Variants in TYW1B observed in about 807,000 individuals in gnomAD.
TYW1B encodes S-adenosyl-L-methionine-dependent tRNA 4-demethylwyosine synthase TYW1B.
TYW1B carries 73 observed loss-of-function variants against 86.9 expected under a neutral mutation model. The ratio of observed to expected loss-of-function variants is 0.84; its 90% CI spans 0.70 to 1.02. TYW1B has a LOEUF of 1.02. TYW1B is among the 50% of genes least tolerant of loss of function. The pLI is 0.00. For missense variants in TYW1B, 637 were observed against 827.4 expected (o/e 0.77, Z 2.82); for synonymous variants, 248 against 292.8 (o/e 0.85, Z 1.56).
At chr7:72,773,867 A>G (rs1428323497) in intron 7 of TYW1B, among the ~76,000 whole-genome samples, 1 of 151,958 alleles carries the variant, frequency 6.6e-6, no homozygotes, top group East Asian at 1.9e-4. Context: ...GAGTTCGAGA[A>G]CAGTCTGACC....
intron 7 of TYW1B, among the ~76,000 whole-genome samples, chr7:72,753,879 T>C (rs565017179): frequency 6.6e-6 from 1 of 152,260 alleles, no homozygotes; most frequent in African/African-American, 2.4e-5. Flanking sequence ...TAACAGACTA[T>C]GGTATAGTGC....
intron 8 of TYW1B, among the ~76,000 whole-genome samples, chr7:72,729,181 G>A (rs1273487175): frequency 2.0e-5 from 3 of 152,112 alleles, no homozygotes; most frequent in African/African-American, 7.2e-5. Context: ...TCCAGTTACA[G>A]GTTGACAGAA....
At position 72,779,536 on chromosome 7, in the gene TYW1B, G is replaced by T. The variant is rs1554471291; in HGVS notation, c.847-2003C>A. Among the ~76,000 whole-genome samples, 3 of 152,074 alleles carry T rather than the reference G, an allele frequency of 2.0e-5. No homozygotes were observed. The East Asian group carries it at 5.8e-4, about 29-fold the overall frequency. Reference sequence around the variant, plus strand: ...GTTTGAGACCAGCCTGGCTAACATGGTGAAACCCTGTCTCTACTAAAAATA... The same window carrying T: ...GTTTGAGACCAGCCTGGCTAACATGTTGAAACCCTGTCTCTACTAAAAATA... On this transcript the variant is annotated intron_variant, in intron 6 of 13. Coordinates refer to ENST00000620995, the MANE Select transcript of TYW1B (RefSeq NM_001145440.3).
intron 11 of TYW1B, among the ~76,000 whole-genome samples, chr7:72,685,078 C>T (rs1813976307): frequency 2.7e-5 from 4 of 150,092 alleles, no homozygotes; most frequent in African/African-American, 7.4e-5. Flanking sequence ...GGCCACTGAA[C>T]TCCAGCCTGG....
At chr7:72,660,879 G>A (rs1303767196) in intron 11 of TYW1B, among the ~76,000 whole-genome samples, 1 of 152,100 alleles carries the variant, frequency 6.6e-6, no homozygotes, top group South Asian at 2.1e-4. Context: ...GCTCATGCCT[G>A]TAATCCCAAC....
intron 11 of TYW1B, among the ~76,000 whole-genome samples, chr7:72,669,983 T>C: frequency 6.8e-6 from 1 of 147,264 alleles, no homozygotes; most frequent in East Asian, 2.0e-4. Flanking sequence ...AAATAAAGAT[T>C]AGCTGGCTGT....
At chr7:72,684,214 C>G (rs1813948711) in intron 11 of TYW1B, among the ~76,000 whole-genome samples, 1 of 151,994 alleles carries the variant, frequency 6.6e-6, no homozygotes, top group South Asian at 2.1e-4. Flanking sequence ...GGCCCCAAAC[C>G]ACAGTTTGTC....
intron 8 of TYW1B, 30 bp downstream of exon 8, chr7:72,744,454 C>T: frequency 2.5e-6 from 4 of 1,594,146 alleles, no homozygotes; most frequent in South Asian, 1.1e-5. Context: ...ATTACATATT[C>T]GATCACCATG....
chr7:72,777,994 T>C (rs1787987270), intron 6 of TYW1B, among the ~76,000 whole-genome samples: 1 of 152,174 alleles, frequency 6.6e-6, no homozygotes, highest in Admixed American at 6.5e-5. Flanking sequence ...ACAAAACCCA[T>C]CCTCTGCAAA....
At position 72,744,563 on chromosome 7, in the gene TYW1B, T is replaced by C. The variant is rs781987940; in HGVS notation, c.1003A>G (p.Ile335Val). The C allele has an allele frequency of 1.9e-6, 3 of 1,613,532 alleles. No homozygotes were observed. Among genetic ancestry groups the C allele is most frequent in the South Asian group, 1.1e-5 (1 of 91,068 alleles). The part of the protein sequence containing the change: ...PRERSLLQTH[I>V]LWNESHRCME... ...CAGCGATGGCTCTCATTCCATAGAA[T>C]GTGTGTTTGTAACAAGCTCCTCTCC... Residue 335 changes from isoleucine to valine, a missense_variant, in exon 8 of 14, where the codon ATT becomes GTT. Ile to Val is a conservative substitution (Grantham distance 29). Coordinates refer to ENST00000620995, the MANE Select transcript of TYW1B (RefSeq NM_001145440.3).
chr7:72,733,003 T>C (rs1454810990), intron 8 of TYW1B, among the ~76,000 whole-genome samples: 5 of 151,926 alleles, frequency 3.3e-5, no homozygotes, highest in African/African-American at 1.2e-4. Flanking sequence ...AGAGGAAACG[T>C]AGAAATTCCT....
At chr7:72,753,301 AAACTAGATG>A (rs1787531819) in intron 7 of TYW1B, among the ~76,000 whole-genome samples, 1 of 152,098 alleles carries the variant, frequency 6.6e-6, no homozygotes, top group South Asian at 2.1e-4. Context: ...GGTTGACAGA[AAACTAGATG>A]TTATAATAAT....
chr7:72,672,288 G>A (rs1485110803), intron 11 of TYW1B, among the ~76,000 whole-genome samples: 9 of 151,872 alleles, frequency 5.9e-5, no homozygotes, highest in South Asian at 2.1e-4. Flanking sequence ...GCTCAGTCTC[G>A]GGTGTGTCTT....
At chr7:72,785,342 T>C (rs1554472245) in intron 6 of TYW1B, among the ~76,000 whole-genome samples, 1 of 147,698 alleles carries the variant, frequency 6.8e-6, no homozygotes, top group East Asian at 1.9e-4. Flanking sequence ...CTAATTCTAA[T>C]TATATATATT....
At position 72,796,758 on chromosome 7, in the gene TYW1B, A is replaced by G. The variant is rs532411788; in HGVS notation, c.846+5642T>C. On this transcript the variant is annotated intron_variant, in intron 6 of 13. Coordinates refer to ENST00000620995, the MANE Select transcript of TYW1B (RefSeq NM_001145440.3). Reference sequence around the variant, plus strand: ...CCAGTCCTGAAACCAGCCCTTTATCATAAGGAATGCTATTCAGAAAAACAA... The same window carrying G: ...CCAGTCCTGAAACCAGCCCTTTATCGTAAGGAATGCTATTCAGAAAAACAA... 2.1e-3 allele frequency among the ~76,000 whole-genome samples: 320 copies of G among 150,548 alleles called. 1 individual carries two copies. Among genetic ancestry groups the G allele is most frequent in the Admixed American group, 6.0e-3 (90 of 14,924 alleles).
Position 72,575,193 on chromosome 7 carries a change from G to T in TYW1B, c.*305C>A. On this transcript the variant is annotated 3_prime_UTR_variant, in exon 14 of 14. Transcript: ENST00000620995. ...AGGACTAGCATTCTGGCAGGTCTTAGAAGTTATAATACAAAACCATCAGTT... is the reference window on the plus strand; with the variant it reads ...AGGACTAGCATTCTGGCAGGTCTTATAAGTTATAATACAAAACCATCAGTT... 8.5e-7 allele frequency: 1 copy of T among 1,174,010 alleles called. No individual in the cohort carries two copies. The highest frequency in any genetic ancestry group is 1.1e-6 in the Non-Finnish European group (1 of 946,786). The allele number at this position is 1,174,010 out of a possible 1,614,324, so 72.7% of individuals were successfully genotyped here.
At chr7:72,619,567 G>C (rs1812164306) in intron 12 of TYW1B, among the ~76,000 whole-genome samples, 1 of 151,048 alleles carries the variant, frequency 6.6e-6, no homozygotes, top group African/African-American at 2.4e-5. Flanking sequence ...CGTGAACCCG[G>C]GAAGCGGAGC....
At chr7:72,765,841 A>G (rs1217163778) in intron 7 of TYW1B, among the ~76,000 whole-genome samples, 7 of 152,166 alleles carry the variant, frequency 4.6e-5, no homozygotes, top group African/African-American at 1.7e-4. Context: ...CCAACTGCCC[A>G]ATGTCATGAC....
rs116566659 is a variant in TYW1B at position 72,713,397 on chromosome 7, C to G, written c.1370+224G>C. ...GGAAAAAAAAAATTCATTCTCTTTT[C>G]AATTCCCCTAGCGACATATCTGTGC... On this transcript the variant is annotated intron_variant, in intron 10 of 13. Coordinates refer to ENST00000620995, the MANE Select transcript of TYW1B (RefSeq NM_001145440.3). Among the ~76,000 whole-genome samples, 1,010 of 150,178 alleles carry G rather than the reference C, an allele frequency of 6.7e-3. 13 individuals carry two copies. The highest frequency in any genetic ancestry group is 0.021 in the African/African-American group (868 of 40,990).
Sources: allele counts gnomAD v4.1 joint callset (sites outside exome capture counted in the v4.1 genomes callset), GRCh38; gene constraint gnomAD v4.1.1; transcripts MANE v1.5; gene names NCBI Gene and HGNC (gene_info 2026-07-23, HGNC 2026-07-21).